NPM3: variants seen among roughly 807,000 people sequenced by gnomAD.
NPM3 encodes nucleoplasmin-3.
In NPM3, 12 loss-of-function variants were observed where a neutral mutation model predicts 18.1. The observed-to-expected ratio is 0.66, with a 90% CI of 0.42 to 1.07. The LOEUF (loss-of-function observed/expected upper bound fraction) is 1.07, where lower values mean the gene tolerates loss of function less well. Among genes scored for constraint, NPM3 ranks in the 50% least tolerant of loss-of-function variants. NPM3 has a pLI of 0.00. For synonymous variants in NPM3, 116 were observed against 93.7 expected, an observed-to-expected ratio of 1.24 and a Z score of -1.38; for missense variants, 274 against 232.1, an observed-to-expected ratio of 1.18 and a Z score of -1.17.
At chr10:101,781,893 G>A in intron 4 of NPM3, 39 bp from the exon 5 acceptor site, 1 of 1,614,072 alleles carries the variant, frequency 6.2e-7, no homozygotes, top group Non-Finnish European at 8.5e-7. Context: ...GGGGTGTTAA[G>A]ACCAGACCGT....
chr10:101,782,833 C>G lies in NPM3; in HGVS notation c.204+6G>C. The G allele has an allele frequency of 6.2e-7, 1 of 1,613,950 alleles. No homozygotes were observed. Among genetic ancestry groups the G allele is most frequent in the Non-Finnish European group, 8.5e-7 (1 of 1,179,882 alleles). On this transcript the variant is annotated splice_donor_region_variant and intron_variant, in intron 2 of 5. Coordinates refer to ENST00000370110, the Ensembl canonical transcript of NPM3. ...TTCATTAAAACCCCACTCCCCTGCC[C>G]CTCACCATGGTTAGTGCCAGCACGT...
At chr10:101,781,388 T>C in exon 6 of NPM3, 1 of 304,306 alleles carries the variant, frequency 3.3e-6, no homozygotes, top group Non-Finnish European at 6.0e-6. Flanking sequence ...ATTAAAAATG[T>C]GTAGCTCTGA....
exon 6 of NPM3, chr10:101,781,445 G>GC (rs1467594917): frequency 2.3e-6 from 1 of 431,896 alleles, no homozygotes; most frequent in Admixed American, 4.2e-5. Flanking sequence ...GGGAAGGGAG[G>GC]CCCCGGGCAT....
At chr10:101,781,520 T>TTCC in exon 6 of NPM3, 18 of 311,806 alleles carry the variant, frequency 5.8e-5, no homozygotes, top group Admixed American at 1.4e-4. Flanking sequence ...AAGACCCAAG[T>TTCC]CCCTCCCACC....
At chr10:101,782,296 C>T in exon 4 of NPM3, 2 of 1,613,994 alleles carry the variant, frequency 1.2e-6, no homozygotes, top group Non-Finnish European at 1.7e-6. Flanking sequence ...AGGGCCAGAG[C>T]CCGACTTCAG....
At chr10:101,781,847 C>T (rs1031443652) in exon 5 of NPM3, 4 of 1,614,126 alleles carry the variant, frequency 2.5e-6, no homozygotes, top group South Asian at 2.2e-5. Context: ...CATCATTGCT[C>T]ATCGTAACTG....
chr10:101,781,815 T>C (rs891302473), exon 5 of NPM3: 1 of 1,614,018 alleles, frequency 6.2e-7, no homozygotes, highest in Non-Finnish European at 8.5e-7. Context: ...CTCTTCCTCT[T>C]CCTCGCTCTC....
chr10:101,782,184 A>G, intron 4 of NPM3, 74 bp downstream of exon 4: 8 of 1,306,060 alleles, frequency 6.1e-6, no homozygotes, highest in Non-Finnish European at 8.7e-6. Flanking sequence ...GGGATGGGGC[A>G]GGAGTGCGGA....
chr10:101,782,641 T>G (rs766744886), intron 2 of NPM3, 44 bp from the exon 3 acceptor site: 3 of 1,611,424 alleles, frequency 1.9e-6, no homozygotes, highest in East Asian at 2.2e-5. Context: ...CAAGTGAGGG[T>G]TGACACCACA....
rs1030088252 is a variant in NPM3, at chr10:101,782,170, G to A, written c.418+88C>T. The A allele has an allele frequency of 1.2e-5, 14 of 1,188,058 alleles. No individual in the cohort carries two copies. In the African/African-American group the frequency reaches 1.2e-4, roughly 10 times the overall value. 73.6% of individuals were successfully genotyped at this position (1,188,058 alleles called of 1,614,324 possible). ...TGTACAGGGCTGCACTGGGAGATGA[G>A]GGTGGGATGGGGCAGGAGTGCGGAG... is the stretch of plus-strand genomic sequence containing the variant. On this transcript the variant is annotated intron_variant, in intron 4 of 5. Coordinates refer to ENST00000370110, the Ensembl canonical transcript of NPM3.
At chr10:101,782,381 C>A (rs373843260) in intron 3 of NPM3, 30 bp from the exon 4 acceptor site, 5 of 1,609,670 alleles carry the variant, frequency 3.1e-6, no homozygotes, top group Admixed American at 1.7e-5. Context: ...GAAGGCCTGG[C>A]CCACTCCTAG....
exon 6 of NPM3, chr10:101,781,588 G>T: frequency 4.6e-6 from 2 of 431,614 alleles, no homozygotes; most frequent in Non-Finnish European, 3.6e-6. Flanking sequence ...GTTGAAACTT[G>T]TCAGGGAACA....
At chr10:101,783,298 C>T (rs1368858796) in exon 1 of NPM3, 2 of 1,610,708 alleles carry the variant, frequency 1.2e-6, no homozygotes, top group East Asian at 2.2e-5. Flanking sequence ...CCATAGTGAC[C>T]GGGGCCGGGA....
intron 1 of NPM3, 109 bp downstream of exon 1, chr10:101,783,164 G>A: frequency 1.1e-6 from 1 of 938,328 alleles, no homozygotes; most frequent in South Asian, 1.6e-5. Flanking sequence ...CGGGAACAGC[G>A]AAGCAGCCCT....
At chr10:101,782,742 G>C in intron 2 of NPM3, 97 bp downstream of exon 2, 1 of 1,569,336 alleles carries the variant, frequency 6.4e-7, no homozygotes, top group Non-Finnish European at 8.7e-7. Flanking sequence ...GTTAGGCTGA[G>C]GATGTGTCTC....
chr10:101,781,800 C>A, exon 5 of NPM3: 1 of 1,614,230 alleles, frequency 6.2e-7, no homozygotes. Flanking sequence ...TTCCTCATCA[C>A]TGTCCTCTTC....
chr10:101,782,238 G>A lies in NPM3; in HGVS notation c.418+20C>T. 6.2e-7 allele frequency: 1 copy of A among 1,603,610 alleles called. No homozygotes were observed. Among genetic ancestry groups the A allele is most frequent in the Non-Finnish European group, 8.5e-7 (1 of 1,172,552 alleles). On this transcript the variant is annotated intron_variant, in intron 4 of 5. Coordinates refer to ENST00000370110, the Ensembl canonical transcript of NPM3. ...GAGAGTCCACTGGAAGCAAAGGAGA[G>A]GGCCCTCCCCTCTTCTCACCAATCT...
At chr10:101,782,189 T>C (rs969760962) in intron 4 of NPM3, 69 bp downstream of exon 4, 1 of 1,352,986 alleles carries the variant, frequency 7.4e-7, no homozygotes, top group South Asian at 1.2e-5. Context: ...GGGGCAGGAG[T>C]GCGGAGTGGG....
At chr10:101,783,139 A>G in intron 1 of NPM3, 134 bp downstream of exon 1, 1 of 841,696 alleles carries the variant, frequency 1.2e-6, no homozygotes, top group Non-Finnish European at 1.9e-6. Flanking sequence ...TGTGCGTGCG[A>G]GGCCCCCTCT....
Sources: allele counts gnomAD v4.1 joint callset, GRCh38; gene constraint gnomAD v4.1.1; transcripts MANE v1.5; gene names NCBI Gene and HGNC (gene_info 2026-07-23, HGNC 2026-07-21).